The following RTKN2 variants were observed in gnomAD, a reference collection of about 807,000 sequenced individuals.
RTKN2 encodes the protein rhotekin 2, also known as rhotekin-2.
RTKN2 carries 69 observed loss-of-function variants against 71.5 expected under a neutral mutation model. The ratio of observed to expected loss-of-function variants is 0.96; its 90% CI spans 0.79 to 1.18. The LOEUF is 1.18. RTKN2 is among the 50% of genes most tolerant of loss of function. The pLI is 0.00. For missense variants in RTKN2, 724 were observed against 719.7 expected (o/e 1.01, Z -0.07); for synonymous variants, 236 against 236.5 (o/e 1.00, Z 0.02).
rs575852107 is a variant in RTKN2 at position 62,205,200 on chromosome 10, G to T, written c.1021-178C>A. On this transcript the variant is annotated intron_variant, in intron 9 of 11. Transcript: ENST00000373789. ...TTTTTATATTCAAACTCCAATCTAG[G>T]TTTTTAAAAAAGAATGCTTTATATA... Among the ~76,000 whole-genome samples, 4 of 151,990 alleles carry T rather than the reference G, an allele frequency of 2.6e-5. No individual in the cohort carries two copies. The South Asian group carries it at 6.2e-4, about 24-fold the overall frequency.
intron 6 of RTKN2, 93 bp from the exon 7 acceptor site, chr10:62,223,425 C>G (rs1283591983): frequency 5.2e-6 from 4 of 764,086 alleles, no homozygotes; most frequent in African/African-American, 5.2e-5. Context: ...AATAAACAAC[C>G]TGATTTAAAG....
Position 62,236,161 on chromosome 10 carries a change from G to A in RTKN2, c.591C>T (p.Leu197=), listed in dbSNP as rs376898621. ...CTGTAGCTTTACTTATAGATGTCTT[G>A]AGTTTCTTAGCTAGCTTTTTTGGTG... ...TNTPKKLAKK[L]KTSISKATGK... The change falls in exon 6 of 12, where the codon CTC becomes CTT. Residue 197 remains leucine (L), a synonymous_variant. Coordinates refer to ENST00000373789, the MANE Select transcript of RTKN2 (RefSeq NM_145307.4). 5.0e-6 allele frequency: 8 copies of A among 1,611,412 alleles called. No homozygotes were observed. Among genetic ancestry groups the A allele is most frequent in the Admixed American group, 3.3e-5 (2 of 59,858 alleles).
Position 62,204,953 on chromosome 10 carries a change from C to A in RTKN2, c.1090G>T (p.Val364Phe), listed in dbSNP as rs1841517597. 3 of 1,603,396 alleles carry A rather than the reference C, an allele frequency of 1.9e-6. No individual in the cohort carries two copies. The highest frequency in any genetic ancestry group is 2.6e-6 in the Non-Finnish European group (3 of 1,176,234). Residue 364 changes from valine (V) to phenylalanine (F), a missense_variant, in exon 10 of 12, where the codon GTT (valine) becomes TTT (phenylalanine). Coordinates refer to ENST00000373789, the MANE Select transcript of RTKN2 (RefSeq NM_145307.4). ...RIHNFSVINP[V>F]PGQAITQIFA... ...ATCTGAGTTATAGCTTGTCCAGGAA[C>A]AGGATTGATGACAGAGAAATTATGG...
Position 62,195,390 on chromosome 10 carries a change from T to A in RTKN2, c.*2518A>T. The stretch of plus-strand genomic sequence containing the variant: ...TGTCATAAACTTCTGGTTTAAGAAA[T>A]GAGAAAACAAACAATTCTTTTGAAA... On this transcript the variant is annotated 3_prime_UTR_variant, in exon 12 of 12. Coordinates refer to ENST00000373789, the MANE Select transcript of RTKN2 (RefSeq NM_145307.4). The A allele has an allele frequency of 1.0e-6, 1 of 983,622 alleles. No individual in the cohort carries two copies. 60.9% of individuals were successfully genotyped at this position (983,622 alleles called of 1,614,324 possible).
At chr10:62,208,166 TA>T (rs1316145492) in intron 9 of RTKN2, among the ~76,000 whole-genome samples, 5 of 152,190 alleles carry the variant, frequency 3.3e-5, no homozygotes, top group Admixed American at 3.3e-4. Context: ...TTTAGGTTTT[TA>T]AAAATTATTA....
Position 62,196,948 on chromosome 10 carries a change from G to C in RTKN2, c.*960C>G. Reference sequence around the variant, plus strand: ...AATGATTCCAATGTCACTGTTGTAAGAATATGACATTTAATGAAAAATACC... The same window carrying C: ...AATGATTCCAATGTCACTGTTGTAACAATATGACATTTAATGAAAAATACC... On this transcript the variant is annotated 3_prime_UTR_variant, in exon 12 of 12. Transcript: ENST00000373789. 2.0e-6 allele frequency: 2 copies of C among 977,642 alleles called. No individual in the cohort carries two copies. Among genetic ancestry groups the C allele is most frequent in the Non-Finnish European group, 2.4e-6 (2 of 823,174 alleles). The allele number at this position is 977,642 out of a possible 1,614,324, so 60.6% of individuals were successfully genotyped here.
downstream of RTKN2, among the ~76,000 whole-genome samples, chr10:62,190,616 C>G (rs1190572396): frequency 2.0e-5 from 3 of 152,156 alleles, no homozygotes; most frequent in South Asian, 6.2e-4. Context: ...TGTTAACTAG[C>G]CATGTTGTCT....
At chr10:62,215,148 G>T in intron 9 of RTKN2, 2 of 1,056,862 alleles carry the variant, frequency 1.9e-6, no homozygotes, top group Non-Finnish European at 2.7e-6. Flanking sequence ...ATATTCTATG[G>T]TATAAAATAT....
intron 2 of RTKN2, chr10:62,259,145 G>A: frequency 6.7e-6 from 3 of 446,220 alleles, no homozygotes; most frequent in Non-Finnish European, 1.3e-5. Flanking sequence ...TTTTATAAAG[G>A]GCAGTTCCCC....
chr10:62,243,025 C>T (rs1334829557), intron 3 of RTKN2, among the ~76,000 whole-genome samples: 3 of 151,798 alleles, frequency 2.0e-5, no homozygotes, highest in Non-Finnish European at 4.4e-5. Context: ...GGTACATGTG[C>T]ACGACGTGCA....
intron 6 of RTKN2, among the ~76,000 whole-genome samples, chr10:62,234,214 T>C (rs1842208775): frequency 6.6e-6 from 1 of 151,976 alleles, no homozygotes; most frequent in Non-Finnish European, 1.5e-5. Flanking sequence ...GAATGGCAGA[T>C]TGAAACACAA....
chr10:62,264,150 A>C (rs1842827448), intron 1 of RTKN2, among the ~76,000 whole-genome samples: 1 of 152,166 alleles, frequency 6.6e-6, no homozygotes, highest in Non-Finnish European at 1.5e-5. Flanking sequence ...CTAATACCAA[A>C]AGGTCTATAC....
At chr10:62,242,329 T>C (rs1842393535) in intron 3 of RTKN2, among the ~76,000 whole-genome samples, 2 of 152,318 alleles carry the variant, frequency 1.3e-5, no homozygotes, top group South Asian at 4.1e-4. Context: ...CAAATTAATT[T>C]GGGAACTGAT....
chr10:62,206,532 TG>T (rs1841552684), intron 9 of RTKN2, among the ~76,000 whole-genome samples: 1 of 152,176 alleles, frequency 6.6e-6, no homozygotes, highest in African/African-American at 2.4e-5. Context: ...AGGGGAAAAA[TG>T]TATGTTGTAT....
intron 1 of RTKN2, among the ~76,000 whole-genome samples, chr10:62,267,298 T>A (rs1427448362): frequency 6.6e-6 from 1 of 152,238 alleles, no homozygotes; most frequent in African/African-American, 2.4e-5. Flanking sequence ...CTAAACTTCA[T>A]GATTTTATCC....
intron 6 of RTKN2, among the ~76,000 whole-genome samples, chr10:62,229,824 T>A (rs1438643737): frequency 2.0e-5 from 3 of 152,192 alleles, no homozygotes; most frequent in Admixed American, 6.5e-5. Flanking sequence ...ATCTTTTAAC[T>A]ACTTTAAGGT....
intron 10 of RTKN2, among the ~76,000 whole-genome samples, chr10:62,204,235 G>A (rs1201881237): frequency 1.3e-5 from 2 of 152,088 alleles, no homozygotes; most frequent in African/African-American, 2.4e-5. Flanking sequence ...GAACTGTTAC[G>A]ATTTCAGTAT....
Position 62,217,150 on chromosome 10 carries a change from C to A in RTKN2, c.988G>T (p.Val330Leu), listed in dbSNP as rs1234725099. ...ATGGGTACTACCAAAGCTGGTTCCA[C>A]TTTAGCTTCAATTTCCTCTGGACTG... Reference protein sequence around the residue: ...FYSPEEIEAKVEPALVVPINK... With the variant: ...FYSPEEIEAKLEPALVVPINK... Residue 330 changes from valine (V) to leucine (L), a missense_variant, in exon 9 of 12, where the codon GTG becomes TTG. Val to Leu is a conservative substitution (Grantham distance 32, BLOSUM62 1). Transcript: ENST00000373789. 3.2e-6 allele frequency: 5 copies of A among 1,581,282 alleles called. No homozygotes were observed. The highest frequency in any genetic ancestry group is 4.3e-6 in the Non-Finnish European group (5 of 1,164,006).
chr10:62,225,042 T>A (rs935966245), intron 6 of RTKN2, among the ~76,000 whole-genome samples: 11 of 111,538 alleles, frequency 9.9e-5, no homozygotes, highest in African/African-American at 3.3e-4. Context: ...TTGACCAAAC[T>A]CTAGCCATGA....
Sources: allele counts gnomAD v4.1 joint callset (sites outside exome capture counted in the v4.1 genomes callset), GRCh38; gene constraint gnomAD v4.1.1; transcripts MANE v1.5; gene names NCBI Gene and HGNC (gene_info 2026-07-23, HGNC 2026-07-21).